The following ZW10 variants were observed in gnomAD, a reference collection of about 807,000 sequenced individuals.
ZW10 encodes the protein centromere/kinetochore protein zw10 homolog.
ZW10 carries 53 observed loss-of-function variants against 87.8 expected under a neutral mutation model. That is an observed-to-expected ratio of 0.60 (90% CI 0.48 to 0.76). ZW10 has a LOEUF of 0.76. Among genes scored for constraint, ZW10 ranks in the 30% least tolerant of loss-of-function variants. The pLI, the probability that ZW10 is intolerant of heterozygous loss-of-function variation, is 0.00. For missense variants in ZW10, 837 were observed against 923.0 expected (o/e 0.91, Z 1.21); for synonymous variants, 312 against 329.2 (o/e 0.95, Z 0.57).
chr11:113,770,111 T>TG (rs1242011052), intron 1 of ZW10: 1 of 150,792 alleles, frequency 6.6e-6, no homozygotes, highest in Non-Finnish European at 1.4e-5. Context: ...TTTTTTGAGA[T>TG]GGAGTCTCGC....
intron 2 of ZW10, among the ~76,000 whole-genome samples, chr11:113,766,668 C>A: frequency 1.6e-5 from 1 of 63,704 alleles, no homozygotes; most frequent in Non-Finnish European, 2.7e-5. Context: ...AGCGAGACTC[C>A]ATCTCAAAAA....
intron 9 of ZW10, among the ~76,000 whole-genome samples, chr11:113,745,095 TA>T (rs34212662): frequency 0.27 from 39,375 of 145,532 alleles, 6,194 homozygotes; most frequent in Non-Finnish European, 0.36. Context: ...CTCCCCTTAT[TA>T]AAAAAAAAAA....
At chr11:113,770,482 T>C (rs2134902240) in intron 1 of ZW10, 1 of 151,884 alleles carries the variant, frequency 6.6e-6, no homozygotes, top group South Asian at 2.1e-4. Context: ...GAGATGCATA[T>C]GGCTTGTCAG....
chr11:113,767,310 C>T (rs568920363), intron 2 of ZW10, among the ~76,000 whole-genome samples: 203 of 152,116 alleles, frequency 1.3e-3, no homozygotes, highest in African/African-American at 4.7e-3. Context: ...TTTGATACCC[C>T]ATAGGCACCT....
In ZW10 at chr11:113,739,202, G is replaced by A. The variant is rs745666929; in HGVS notation, c.1753+11C>T. 7 of 1,613,132 alleles carry A rather than the reference G, an allele frequency of 4.3e-6. No homozygotes were observed. The Admixed American group carries it at 6.7e-5, about 15-fold the overall frequency. ...ATCCATATGCTTTCCTACATTGAAA[G>A]TATCAGTTACCAAGTCTCCTGAAGC... On this transcript the variant is annotated intron_variant, in intron 12 of 15. Coordinates refer to ENST00000200135, the MANE Select transcript of ZW10 (RefSeq NM_004724.4).
Position 113,734,971 on chromosome 11 carries a change from A to G in ZW10, c.2220-1157T>C, listed in dbSNP as rs115641158. Among the ~76,000 whole-genome samples, 1,043 of 152,318 alleles carry G rather than the reference A, an allele frequency of 6.8e-3. 13 individuals are homozygous for G. Among genetic ancestry groups the G allele is most frequent in the African/African-American group, 0.024 (1,006 of 41,562 alleles). On this transcript the variant is annotated intron_variant, in intron 15 of 15. Transcript: ENST00000200135. ...GAACTATAAAGAAAGGTAAGGAAAT[A>G]AATAACATAAAAGTCAAGATAATGG... is the stretch of plus-strand genomic sequence containing the variant.
At chr11:113,737,464 G>T in intron 14 of ZW10, 108 bp downstream of exon 14, 2 of 1,133,106 alleles carry the variant, frequency 1.8e-6, no homozygotes, top group Non-Finnish European at 1.2e-6. Flanking sequence ...AACAGCATGA[G>T]TTAGACATGA....
At chr11:113,760,636 C>T (rs761252212) in intron 3 of ZW10, 46 bp from the exon 4 acceptor site, 1 of 1,495,144 alleles carries the variant, frequency 6.7e-7, no homozygotes, top group African/African-American at 1.4e-5. Context: ...TATTTCAAGT[C>T]TGTTTGCTTT....
intron 15 of ZW10, among the ~76,000 whole-genome samples, chr11:113,734,376 T>C (rs990054974): frequency 2.0e-5 from 3 of 152,194 alleles, no homozygotes; most frequent in African/African-American, 7.2e-5. Flanking sequence ...GCCAATTAGA[T>C]CAGCTGAAAC....
chr11:113,766,903 G>C (rs998309079), intron 2 of ZW10, among the ~76,000 whole-genome samples: 4 of 151,834 alleles, frequency 2.6e-5, no homozygotes, highest in African/African-American at 9.7e-5. Flanking sequence ...TGTAATCCCA[G>C]CTACTTGCGA....
At position 113,741,729 on chromosome 11, in the gene ZW10, G is replaced by A. The variant is rs775809018; in HGVS notation, c.1548C>T (p.Phe516=). ...VQLFYSVRNI[F]HLFHDVVPTY... ...TTGGTACAACATCATGGAACAAATG[G>A]AAGATATTCCTCACTGAGTAGAAAA... Residue 516 remains phenylalanine (F), a synonymous_variant, in exon 11 of 16, where the codon TTC becomes TTT. Transcript: ENST00000200135. 1.9e-6 allele frequency: 3 copies of A among 1,608,074 alleles called. No homozygotes were observed. The highest frequency in any genetic ancestry group is 2.5e-6 in the Non-Finnish European group (3 of 1,177,272).
At chr11:113,746,626 A>G (rs1259645760) in intron 9 of ZW10, among the ~76,000 whole-genome samples, 2 of 152,154 alleles carry the variant, frequency 1.3e-5, no homozygotes, top group Non-Finnish European at 1.5e-5. Context: ...ACACCAAGGA[A>G]GGGGTACAGG....
intron 1 of ZW10, among the ~76,000 whole-genome samples, chr11:113,772,818 CAA>C (rs58651654): frequency 9.6e-5 from 9 of 93,510 alleles, no homozygotes; most frequent in Admixed American, 1.1e-4. Context: ...ACTAAAAATA[CAA>C]AAAAAAAAAA....
chr11:113,749,626 T>C (rs995610745), intron 7 of ZW10, among the ~76,000 whole-genome samples: 20 of 152,378 alleles, frequency 1.3e-4, no homozygotes, highest in Admixed American at 1.0e-3. Context: ...CTGCACTATA[T>C]ATTACTATAT....
At chr11:113,759,700 C>T (rs182868045) in intron 5 of ZW10, among the ~76,000 whole-genome samples, 5 of 152,302 alleles carry the variant, frequency 3.3e-5, no homozygotes, top group African/African-American at 9.6e-5. Context: ...GCAAAGCACT[C>T]CCTAGCTCAT....
At chr11:113,748,582 T>G (rs1953704983) in intron 7 of ZW10, among the ~76,000 whole-genome samples, 162 bp from the exon 8 acceptor site, 2 of 152,154 alleles carry the variant, frequency 1.3e-5, no homozygotes. Context: ...TGACACACAA[T>G]TATTATTATT....
At chr11:113,734,578 G>A (rs1185033767) in intron 15 of ZW10, among the ~76,000 whole-genome samples, 1 of 152,140 alleles carries the variant, frequency 6.6e-6, no homozygotes, top group African/African-American at 2.4e-5. Context: ...GCCGAGGAAG[G>A]CAGATCACAT....
At chr11:113,742,607 T>C (rs186355628) in intron 10 of ZW10, among the ~76,000 whole-genome samples, 1 of 152,336 alleles carries the variant, frequency 6.6e-6, no homozygotes, top group Non-Finnish European at 1.5e-5. Context: ...TGTCCATAGA[T>C]AGTCAGTATA....
rs564894627 is a variant in ZW10, at chr11:113,752,897, C to T, written c.926-4477G>A. On this transcript the variant is annotated intron_variant, in intron 7 of 15. Coordinates refer to ENST00000200135, the MANE Select transcript of ZW10 (RefSeq NM_004724.4). ...ATAAAACTCAGTGATGAAGGAATGT[C>T]AAAGGCTCAGAGAAGTCAAAAACTA... Among the ~76,000 whole-genome samples the T allele has an allele frequency of 2.3e-3, 348 of 152,168 alleles. 2 individuals are homozygous for T. The highest frequency in any genetic ancestry group is 3.7e-3 in the Non-Finnish European group (253 of 68,038).
Sources: gnomAD v4.1 joint callset for allele counts (sites outside exome capture counted in the v4.1 genomes callset) on GRCh38, gnomAD v4.1.1 for gene constraint, MANE v1.5 for transcripts, NCBI Gene and HGNC (gene_info 2026-07-23, HGNC 2026-07-21) for gene names.